The following BANK1 variants were observed in gnomAD, a reference collection of about 807,000 sequenced individuals.
The protein encoded by BANK1 is B cell scaffold protein with ankyrin repeats 1.
Under a neutral mutation model 94.5 loss-of-function variants are expected in BANK1, and 95 were observed. The ratio of observed to expected loss-of-function variants is 1.00; its 90% CI spans 0.85 to 1.19. The LOEUF (loss-of-function observed/expected upper bound fraction) is 1.19. Among genes scored for constraint, BANK1 ranks in the 50% most tolerant of loss-of-function variants. BANK1 has a pLI of 0.00. For synonymous variants in BANK1, 334 were observed against 308.4 expected (o/e 1.08, Z -0.87); for missense variants, 987 against 932.2 (o/e 1.06, Z -0.77).
intron 7 of BANK1, among the ~76,000 whole-genome samples, chr4:102,005,267 T>TC (rs1358765095): frequency 8.5e-5 from 13 of 152,086 alleles, no homozygotes; most frequent in African/African-American, 2.4e-4. Context: ...TTCTCTTAAT[T>TC]TTTTTCTGTT....
chr4:101,826,755 T>C (rs1726381805), intron 1 of BANK1, among the ~76,000 whole-genome samples: 1 of 151,956 alleles, frequency 6.6e-6, no homozygotes, highest in South Asian at 2.1e-4. Context: ...CTGCCAGATG[T>C]TTTTTTCTCA....
intron 3 of BANK1, among the ~76,000 whole-genome samples, chr4:101,856,761 A>G (rs1727694804): frequency 6.6e-6 from 1 of 152,192 alleles, no homozygotes; most frequent in Non-Finnish European, 1.5e-5. Flanking sequence ...TTTTTTATTG[A>G]CATTGATATA....
chr4:101,971,592 G>A (rs1240528447), intron 7 of BANK1, among the ~76,000 whole-genome samples: 1 of 152,042 alleles, frequency 6.6e-6, no homozygotes, highest in African/African-American at 2.4e-5. Context: ...TCAATGTCAT[G>A]TAGTTTTCCC....
At chr4:102,024,364 C>A (rs1727008935) in intron 8 of BANK1, among the ~76,000 whole-genome samples, 1 of 151,944 alleles carries the variant, frequency 6.6e-6, no homozygotes, top group South Asian at 2.1e-4. Flanking sequence ...TTTTTGAATC[C>A]TTTATTTAGA....
intron 2 of BANK1, among the ~76,000 whole-genome samples, chr4:101,849,505 GCACACACACACATATACACA>G (rs1013324865): frequency 2.6e-5 from 4 of 151,280 alleles, no homozygotes; most frequent in Non-Finnish European, 5.9e-5. Context: ...AGATACACAC[GCACACACACACATATACACA>G]CACACACAAA....
rs564869878 is a variant in BANK1 at position 101,910,643 on chromosome 4, G to A, written c.1010-7350G>A. ...CGGGAGGCAGAGGTTGCTGTGAGCC[G>A]AGATCGCACCATTGCACTCCAGCCT... On this transcript the variant is annotated intron_variant, in intron 6 of 16. Transcript: ENST00000322953. 1.0e-4 allele frequency among the ~76,000 whole-genome samples: 15 copies of A among 145,146 alleles called. No homozygotes were observed. In the South Asian group the frequency reaches 2.5e-3, roughly 24 times the overall value.
intron 4 of BANK1, among the ~76,000 whole-genome samples, chr4:101,865,430 A>G (rs964176328): frequency 1.3e-5 from 2 of 152,112 alleles, no homozygotes; most frequent in Non-Finnish European, 2.9e-5. Context: ...GGTTTTTACA[A>G]TGAAGATCTG....
chr4:101,955,321 T>C (rs1578419105), intron 7 of BANK1, among the ~76,000 whole-genome samples: 1 of 152,214 alleles, frequency 6.6e-6, no homozygotes, highest in East Asian at 1.9e-4. Context: ...CATTTCTGGA[T>C]TGAGATAAGA....
intron 9 of BANK1, among the ~76,000 whole-genome samples, chr4:102,026,927 T>A (rs759593475): frequency 2.6e-5 from 4 of 152,106 alleles, no homozygotes; most frequent in Non-Finnish European, 5.9e-5. Context: ...GCACTGTATT[T>A]AGAGATGGAA....
chr4:101,807,125 A>C (rs1725579758), intron 1 of BANK1, among the ~76,000 whole-genome samples: 1 of 152,228 alleles, frequency 6.6e-6, no homozygotes, highest in Admixed American at 6.5e-5. Context: ...AGTCATGAGT[A>C]CAGTCCCCTG....
At chr4:101,792,255 T>TCCCCCCCCCCCCCCCCCCCCCCCC (rs771698917) in intron 1 of BANK1, among the ~76,000 whole-genome samples, 4 of 128,662 alleles carry the variant, frequency 3.1e-5, no homozygotes, top group Non-Finnish European at 6.7e-5. Context: ...TGCATTCCGC[T>TCCCCCCCCCCCCCCCCCCCCCCCC]CCCCCCCCGC....
At chr4:101,957,108 A>ACCC (rs1370464690) in intron 7 of BANK1, among the ~76,000 whole-genome samples, 1 of 152,168 alleles carries the variant, frequency 6.6e-6, no homozygotes, top group Non-Finnish European at 1.5e-5. Flanking sequence ...CAGAACACAT[A>ACCC]CTAATGAGAA....
intron 5 of BANK1, among the ~76,000 whole-genome samples, chr4:101,889,650 T>A (rs1721777543): frequency 6.6e-6 from 1 of 151,652 alleles, no homozygotes; most frequent in South Asian, 2.1e-4. Context: ...TACTATAGTT[T>A]TTCTTTATTG....
chr4:101,793,014 G>A (rs925634397), intron 1 of BANK1, among the ~76,000 whole-genome samples: 2 of 152,092 alleles, frequency 1.3e-5, no homozygotes. Context: ...TTTAACTGCT[G>A]TTTTAATTAG....
intron 10 of BANK1, among the ~76,000 whole-genome samples, chr4:102,034,229 A>T (rs981641009): frequency 5.3e-5 from 8 of 152,186 alleles, no homozygotes; most frequent in African/African-American, 1.9e-4. Flanking sequence ...TAGAGGAAAA[A>T]TACAGGAATG....
At chr4:101,815,363 A>G (rs1353281293) in intron 1 of BANK1, among the ~76,000 whole-genome samples, 5 of 152,198 alleles carry the variant, frequency 3.3e-5, no homozygotes, top group Non-Finnish European at 7.3e-5. Flanking sequence ...AAAATTGAGG[A>G]GTAAGTAGAA....
chr4:101,822,647 G>A (rs1256289732), intron 1 of BANK1, among the ~76,000 whole-genome samples: 7 of 146,272 alleles, frequency 4.8e-5, no homozygotes, highest in South Asian at 2.2e-4. Context: ...ACAGAGTCTC[G>A]CTCTGTTGCC....
Position 102,038,838 on chromosome 4 carries a change from C to A in BANK1, c.1901-5001C>A, listed in dbSNP as rs200159670. ...AAAAAAAGATTTATAGTGGGATTTC[C>A]CAAATCTTCCTTTAGGAGATGCTTT... On this transcript the variant is annotated intron_variant, in intron 10 of 16. Transcript: ENST00000322953. Among the ~76,000 whole-genome samples, 11 of 152,166 alleles carry A rather than the reference C, an allele frequency of 7.2e-5. No individual in the cohort carries two copies. The East Asian group carries it at 2.1e-3, about 29-fold the overall frequency.
intron 7 of BANK1, among the ~76,000 whole-genome samples, chr4:101,950,060 T>TGTGTGTGTGTGTGTGC (rs369393040): frequency 7.2e-6 from 1 of 139,402 alleles, no homozygotes; most frequent in African/African-American, 3.1e-5. Flanking sequence ...TGTGTGTGTG[T>TGTGTGTGTGTGTGTGC]GCGCGTGCGC....
Sources: gnomAD v4.1 joint callset for allele counts (sites outside exome capture counted in the v4.1 genomes callset) on GRCh38, gnomAD v4.1.1 for gene constraint, MANE v1.5 for transcripts, NCBI Gene and HGNC (gene_info 2026-07-23, HGNC 2026-07-21) for gene names.